The following ETNPPL variants were observed in gnomAD, a reference collection of about 807,000 sequenced individuals.
The protein encoded by ETNPPL is alanine--glyoxylate aminotransferase 2-like 1.
Under a neutral mutation model 55.5 loss-of-function variants are expected in ETNPPL, and 30 were observed. The ratio of observed to expected loss-of-function variants is 0.54; its 90% CI spans 0.40 to 0.73. The LOEUF (loss-of-function observed/expected upper bound fraction) is 0.73, where lower values mean the gene tolerates loss of function less well. Ranked by LOEUF, ETNPPL falls within the 30% of genes least tolerant of loss-of-function variation. The pLI, the probability that ETNPPL is intolerant of heterozygous loss-of-function variation, is 0.00. For missense variants in ETNPPL, 528 were observed against 607.9 expected (o/e 0.87, Z 1.38); for synonymous variants, 202 against 207.2 (o/e 0.98, Z 0.21).
At chr4:108,747,149 ATAT>A (rs1728580470) in intron 9 of ETNPPL, among the ~76,000 whole-genome samples, 1 of 16,420 alleles carries the variant, frequency 6.1e-5, no homozygotes, top group African/African-American at 3.8e-4. Flanking sequence ...TATATATATA[ATAT>A]ATATATATAT....
chr4:108,743,449 A>G (rs1313797848), intron 12 of ETNPPL, among the ~76,000 whole-genome samples: 1 of 152,164 alleles, frequency 6.6e-6, no homozygotes, highest in Non-Finnish European at 1.5e-5. Flanking sequence ...TGAGAATCGG[A>G]GGCAGTGTCA....
intron 1 of ETNPPL, among the ~76,000 whole-genome samples, chr4:108,760,763 G>A (rs968564345): frequency 6.6e-6 from 1 of 152,120 alleles, no homozygotes; most frequent in African/African-American, 2.4e-5. Flanking sequence ...ACTCTTATAG[G>A]TGAGGAGACC....
At position 108,742,549 on chromosome 4, in the gene ETNPPL, T is replaced by A; in HGVS notation, c.1435A>T (p.Ser479Cys). The change falls in exon 13 of 13, where the codon AGC (serine) becomes TGC (cysteine). Residue 479 changes from serine to cysteine, a missense_variant. Transcript: ENST00000296486. ...DSTTDSKENP[S>C]RKRNGMCTDT... ...GTGCACATTCCATTTCTCTTTCTGC[T>A]GGGATTTTCTTTGGAGTCAGTGGTG... 6.2e-7 allele frequency: 1 copy of A among 1,614,194 alleles called. No homozygotes were observed. The highest frequency in any genetic ancestry group is 8.5e-7 in the Non-Finnish European group (1 of 1,180,030).
chr4:108,753,064 T>TA (rs1022176651), intron 5 of ETNPPL, 53 bp from the exon 6 acceptor site: 229 of 932,172 alleles, frequency 2.5e-4, no homozygotes, highest in South Asian at 3.0e-4. Context: ...CGACAAACCT[T>TA]AAAAAAAAGG....
At chr4:108,761,357 T>G (rs570528864) in intron 1 of ETNPPL, among the ~76,000 whole-genome samples, 1 of 152,314 alleles carries the variant, frequency 6.6e-6, no homozygotes, top group Admixed American at 6.5e-5. Flanking sequence ...AACCTCAAAT[T>G]TTAAAATTGC....
At position 108,755,689 on chromosome 4, in the gene ETNPPL, G is replaced by A. The variant is rs188159640; in HGVS notation, c.410+729C>T. On this transcript the variant is annotated intron_variant, in intron 4 of 12. Transcript: ENST00000296486. The stretch of plus-strand genomic sequence containing the variant: ...AAAAAAGTTAGTTGGGCATGGCAGC[G>A]GGCACCTATAATACCAGCTAATTCC... Among the ~76,000 whole-genome samples, 894 of 152,178 alleles carry A rather than the reference G, an allele frequency of 5.9e-3. 7 individuals are homozygous for A. The highest frequency in any genetic ancestry group is 0.01 in the Non-Finnish European group (680 of 68,000).
chr4:108,760,377 TC>T, intron 1 of ETNPPL, 71 bp from the exon 2 acceptor site: 2 of 759,148 alleles, frequency 2.6e-6, no homozygotes. Flanking sequence ...TCAATGAAGG[TC>T]CCCATCAGTG....
At chr4:108,755,541 C>G (rs1203307478) in intron 4 of ETNPPL, among the ~76,000 whole-genome samples, 1 of 152,034 alleles carries the variant, frequency 6.6e-6, no homozygotes, top group Non-Finnish European at 1.5e-5. Context: ...CGTAGGCTAG[C>G]CTCGGTGGCT....
Position 108,746,618 on chromosome 4 carries a change from T to A in ETNPPL, c.1173-89A>T. On this transcript the variant is annotated intron_variant, in intron 10 of 12. Coordinates refer to ENST00000296486, the MANE Select transcript of ETNPPL (RefSeq NM_031279.4). ...TGTGAACATAGAGCAGTTTAAGTAT[T>A]CTGCATTTAAGAAGCCCACATTATA... The A allele has an allele frequency of 2.0e-6, 3 of 1,505,850 alleles. No individual in the cohort carries two copies. The South Asian group carries it at 3.6e-5, about 18-fold the overall frequency. The allele number at this position is 1,505,850 out of a possible 1,614,324, so 93.3% of individuals were successfully genotyped here.
chr4:108,742,300 CTAA>C lies in ETNPPL; in HGVS notation c.*181_*183del, dbSNP rs1474266590. 9.6e-6 allele frequency: 5 copies of C among 519,642 alleles called. No individual in the cohort carries two copies. Among genetic ancestry groups the C allele is most frequent in the African/African-American group, 7.6e-5 (4 of 52,718 alleles). 32.2% of individuals were successfully genotyped at this position (519,642 alleles called of 1,614,324 possible). A position where few individuals can be genotyped will look rare whatever the true frequency, so the allele number is the denominator to read the frequency against. Reference sequence around the variant, plus strand: ...GAAAATTAACAGGCTAGAGTCTGAACTAATAATCTTGACATGGTTTGATTATCA... The same window carrying C: ...GAAAATTAACAGGCTAGAGTCTGAACTAATCTTGACATGGTTTGATTATCA... On this transcript the variant is annotated 3_prime_UTR_variant, in exon 13 of 13. Coordinates refer to ENST00000296486, the MANE Select transcript of ETNPPL (RefSeq NM_031279.4).
intron 7 of ETNPPL, among the ~76,000 whole-genome samples, chr4:108,750,056 C>G (rs1728823571): frequency 6.6e-6 from 1 of 152,140 alleles, no homozygotes; most frequent in South Asian, 2.1e-4. Context: ...AAGAATCAAA[C>G]AAGTAGTTGT....
At chr4:108,743,652 G>T in intron 12 of ETNPPL, 137 bp downstream of exon 12, 1 of 677,850 alleles carries the variant, frequency 1.5e-6, no homozygotes, top group Admixed American at 2.7e-5. Context: ...ACTCAAAATT[G>T]CAACAATAAG....
At chr4:108,753,804 G>GAAAGAAAGAAAGAA (rs1729055180) in intron 5 of ETNPPL, among the ~76,000 whole-genome samples, 1 of 120,088 alleles carries the variant, frequency 8.3e-6, no homozygotes, top group Non-Finnish European at 1.7e-5. Context: ...AAGAAAGAAA[G>GAAAGAAAGAAAGAA]AAAAGAGAAG....
intron 5 of ETNPPL, among the ~76,000 whole-genome samples, chr4:108,753,991 T>C (rs1419320380): frequency 6.8e-6 from 1 of 146,234 alleles, no homozygotes; most frequent in Non-Finnish European, 1.5e-5. Context: ...TTTTTTTTTT[T>C]GAGATGGAGT....
intron 5 of ETNPPL, among the ~76,000 whole-genome samples, chr4:108,753,792 G>GA (rs757019002): frequency 7.9e-4 from 81 of 102,056 alleles, no homozygotes; most frequent in South Asian, 3.8e-3. Flanking sequence ...AAGAAAGAAA[G>GA]AAAGAAAGAA....
chr4:108,747,179 T>TAA (rs1222383471), intron 9 of ETNPPL, among the ~76,000 whole-genome samples: 2 of 10,522 alleles, frequency 1.9e-4, no homozygotes, highest in Non-Finnish European at 2.7e-4. Flanking sequence ...TATATATATA[T>TAA]AATATATATA....
rs549054177 is a variant in ETNPPL at position 108,748,471 on chromosome 4, G to A, written c.928-312C>T. 2.8e-4 allele frequency among the ~76,000 whole-genome samples: 43 copies of A among 152,276 alleles called. No individual in the cohort carries two copies. The South Asian group carries it at 8.9e-3, about 32-fold the overall frequency. On this transcript the variant is annotated intron_variant, in intron 8 of 12. Transcript: ENST00000296486. ...TCAGGATTTCATAGTGTTGCCCAGT[G>A]AGGGAAATAGGGGTTTCTGCCCTTG...
chr4:108,760,322 G>A lies in ETNPPL; in HGVS notation c.57-16C>T, dbSNP rs367691824. On this transcript the variant is annotated splice_polypyrimidine_tract_variant and intron_variant, in intron 1 of 12. Coordinates refer to ENST00000296486, the MANE Select transcript of ETNPPL (RefSeq NM_031279.4). ...GCATGAGGGCCTAGAAATAATCAAA[G>A]GAAACACTTTGGTCTGGTAGGACTA... 2.9e-5 allele frequency: 42 copies of A among 1,464,728 alleles called. No individual in the cohort carries two copies. The African/African-American group carries it at 5.1e-4, about 18-fold the overall frequency. The allele number at this position is 1,464,728 out of a possible 1,614,324, so 90.7% of individuals were successfully genotyped here.
At position 108,742,517 on chromosome 4, in the gene ETNPPL, T is replaced by G. The variant is rs140447392; in HGVS notation, c.1467A>C (p.Thr489=). 444 of 1,614,160 alleles carry G rather than the reference T, an allele frequency of 2.8e-4. No individual in the cohort carries two copies. The highest frequency in any genetic ancestry group is 3.6e-4 in the Non-Finnish European group (422 of 1,180,010). ...TGAGCCTCTTACTGAGCAGTGAATG[T>G]GTATCCGTGCACATTCCATTTCTCT... ...SRKRNGMCTD[T]HSLLSKRLKT The change falls in exon 13 of 13, where the codon ACA becomes ACC. Residue 489 remains threonine (T), a synonymous_variant. Coordinates refer to ENST00000296486, the MANE Select transcript of ETNPPL (RefSeq NM_031279.4).
Sources: allele counts gnomAD v4.1 joint callset (sites outside exome capture counted in the v4.1 genomes callset), GRCh38; gene constraint gnomAD v4.1.1; transcripts MANE v1.5; gene names NCBI Gene and HGNC (gene_info 2026-07-23, HGNC 2026-07-21).